PRICKLE3: variants seen among roughly 807,000 people sequenced by gnomAD.
The protein encoded by PRICKLE3 is prickle planar cell polarity protein 3.
In PRICKLE3, 17 loss-of-function variants were observed where a neutral mutation model predicts 33.8. The observed-to-expected ratio is 0.50, with a 90% CI of 0.34 to 0.75. The LOEUF is 0.75. PRICKLE3 is among the 30% of genes least tolerant of loss of function. The probability of loss-of-function intolerance (pLI) is 0.01; values close to 1 mark genes in which losing one functional copy is unlikely to be tolerated. For missense variants in PRICKLE3, 573 were observed against 576.7 expected, an observed-to-expected ratio of 0.99 and a Z score of 0.07; for synonymous variants, 211 against 219.6, an observed-to-expected ratio of 0.96 and a Z score of 0.34.
rs782708765 is a variant in PRICKLE3 at position 49,175,878 on chromosome X, G to A, written c.1643C>T (p.Ser548Leu). The A allele has an allele frequency of 1.7e-6, 2 of 1,210,335 alleles. No individual in the cohort carries two copies. Among genetic ancestry groups the A allele is most frequent in the African/African-American group, 1.7e-5 (1 of 57,327 alleles). ...TGATTCGGAACTGGAACTGGAGGGC[G>A]AGCTGGAGCAAGATTCCGAGTCTGA... ...SGSDSESCSSSPSSSSSESSE... is the reference protein window; with the variant it reads ...SGSDSESCSSLPSSSSSESSE... The change falls in exon 9 of 9, where the codon TCG (serine) becomes TTG (leucine). Residue 548 changes from serine (S) to leucine (L), a missense_variant. Transcript: ENST00000599218.
Position 49,177,067 on chromosome X carries a change from C to T in PRICKLE3, c.1091G>A (p.Arg364Gln), listed in dbSNP as rs376934420. ...GGGCTCGGACCCAAGGCTGCAGGCT[C>T]GAGAGCAGAAGATTAGGCCTCGGCG... ...LPRRGLIFCSRACSLGSEPTA... is the reference protein window; with the variant it reads ...LPRRGLIFCSQACSLGSEPTA... Residue 364 changes from arginine to glutamine, a missense_variant, in exon 8 of 9, where the codon CGA becomes CAA. By Grantham distance (43) the Arg-to-Gln change is conservative. Transcript: ENST00000599218. 30 of 1,205,289 alleles carry T rather than the reference C, an allele frequency of 2.5e-5. No homozygotes were observed. In the African/African-American group the frequency reaches 5.2e-4, roughly 21 times the overall value.
At chrX:49,177,954 C>G in intron 7 of PRICKLE3, 39 bp downstream of exon 7, 1 of 1,127,194 alleles carries the variant, frequency 8.9e-7, no homozygotes, top group Non-Finnish European at 1.2e-6. Context: ...GCCCAGCTGT[C>G]CATCCATCCC....
At chrX:49,178,499 T>C in intron 5 of PRICKLE3, 24 bp from the exon 6 acceptor site, 1 of 1,188,973 alleles carries the variant, frequency 8.4e-7, no homozygotes, top group Non-Finnish European at 1.1e-6. Flanking sequence ...AGCACCAAGA[T>C]GGTTACCATC....
intron 8 of PRICKLE3, 113 bp from the exon 9 acceptor site, chrX:49,176,378 G>T: frequency 1.8e-6 from 1 of 560,681 alleles, no homozygotes; most frequent in Non-Finnish European, 2.7e-6. Flanking sequence ...GAAAGTGGGG[G>T]CAGGGGTCGG....
chrX:49,186,303 G>A lies in PRICKLE3; in HGVS notation c.-6C>T, dbSNP rs1227410876. The A allele has an allele frequency of 7.9e-6, 9 of 1,143,581 alleles. No homozygotes were observed. The South Asian group carries it at 1.4e-4, about 17-fold the overall frequency. 94.2% of individuals were successfully genotyped at this position (1,143,581 alleles called of 1,213,427 possible). On this transcript the variant is annotated 5_prime_UTR_variant, in exon 1 of 9. Coordinates refer to ENST00000599218, the MANE Select transcript of PRICKLE3 (RefSeq NM_006150.5). ...CGGGACCCACGCGCGAACATGGCGCGCCCGGGCAGGGTCAAGCCGGGCCGG... is the reference window on the plus strand; with the variant it reads ...CGGGACCCACGCGCGAACATGGCGCACCCGGGCAGGGTCAAGCCGGGCCGG...
rs1557100495 is a variant in PRICKLE3 at position 49,178,352 on chromosome X, A to G, written c.688T>C (p.Tyr230His). The change falls in exon 6 of 9, where the codon TAC becomes CAC. Residue 230 changes from tyrosine (Y) to histidine (H), a missense_variant. By Grantham distance (83) the Tyr-to-His change is moderately conservative. Coordinates refer to ENST00000599218, the MANE Select transcript of PRICKLE3 (RefSeq NM_006150.5). Reference sequence around the variant, plus strand: ...TAGACCTTGCCAACATGGTAGAAGTAGATGAGGTCAACCAGCAGTTCCTGG... The same window carrying G: ...TAGACCTTGCCAACATGGTAGAAGTGGATGAGGTCAACCAGCAGTTCCTGG... ...TCQELLVDLI[Y>H]FYHVGKVYCG... 1 of 1,209,619 alleles carries G rather than the reference A, an allele frequency of 8.3e-7. No homozygotes were observed.
chrX:49,180,539 T>G (rs1439772557), intron 3 of PRICKLE3, among the ~76,000 whole-genome samples: 1 of 111,236 alleles, frequency 9.0e-6, no homozygotes, highest in Admixed American at 9.6e-5. Context: ...TCATCAGACT[T>G]GATGATGGTA....
intron 3 of PRICKLE3, among the ~76,000 whole-genome samples, chrX:49,181,378 A>G (rs1557100953): frequency 9.0e-5 from 8 of 88,700 alleles, no homozygotes; most frequent in Admixed American, 5.2e-4. Context: ...ATATATATAT[A>G]TGTGTGTGTG....
At position 49,176,064 on chromosome X, in the gene PRICKLE3, G is replaced by A. The variant is rs1557099921; in HGVS notation, c.1457C>T (p.Pro486Leu). ...FRDPLVSEGG[P>L]RRTLSAPPAQ... ...CGGGGGTGCACTCAGGGTCCGGCGC[G>A]GGCCTCCTTCAGACACCAGAGGGTC... The change falls in exon 9 of 9, where the codon CCG becomes CTG. Residue 486 changes from proline to leucine, a missense_variant. Physicochemically the swap from Pro to Leu is moderately conservative, Grantham distance 98. Transcript: ENST00000599218. 3 of 1,207,302 alleles carry A rather than the reference G, an allele frequency of 2.5e-6. No homozygotes were observed. Among genetic ancestry groups the A allele is most frequent in the Non-Finnish European group, 2.2e-6 (2 of 893,658 alleles).
intron 3 of PRICKLE3, among the ~76,000 whole-genome samples, chrX:49,180,258 C>T (rs978609766): frequency 9.1e-5 from 10 of 110,020 alleles, no homozygotes; most frequent in Non-Finnish European, 1.5e-4. Flanking sequence ...TCTCGAACTC[C>T]TGACCTCAAG....
At chrX:49,184,776 C>T (rs782512304) in intron 1 of PRICKLE3, 66 bp from the exon 2 acceptor site, 1 of 1,161,797 alleles carries the variant, frequency 8.6e-7, no homozygotes. Flanking sequence ...GAAGTCAACG[C>T]CCGCCCCTCC....
chrX:49,183,113 C>T (rs1379298641), intron 3 of PRICKLE3, among the ~76,000 whole-genome samples: 1 of 112,241 alleles, frequency 8.9e-6, no homozygotes, highest in Non-Finnish European at 1.9e-5. Context: ...CGTGAGCCAC[C>T]GTGCCCGTGG....
chrX:49,180,421 C>T lies in PRICKLE3; in HGVS notation c.313-615G>A, dbSNP rs189708569. 1.5e-3 allele frequency among the ~76,000 whole-genome samples: 166 copies of T among 111,374 alleles called. 1 individual carries two copies. Among genetic ancestry groups the T allele is most frequent in the African/African-American group, 5.2e-3 (159 of 30,613 alleles). On this transcript the variant is annotated intron_variant, in intron 3 of 8. Coordinates refer to ENST00000599218, the MANE Select transcript of PRICKLE3 (RefSeq NM_006150.5). Reference sequence around the variant, plus strand: ...TCACTCCACTTCCTGTCCTTCCAATCTCTCTTGAGCCTACTTGAGGCAGGC... The same window carrying T: ...TCACTCCACTTCCTGTCCTTCCAATTTCTCTTGAGCCTACTTGAGGCAGGC...
At chrX:49,176,722 G>A (rs938259217) in intron 8 of PRICKLE3, among the ~76,000 whole-genome samples, 181 bp downstream of exon 8, 1 of 109,107 alleles carries the variant, frequency 9.2e-6, no homozygotes. Flanking sequence ...GTGTAGTTTG[G>A]GATGGAAACC....
In PRICKLE3 at chrX:49,175,821, C is replaced by T. The variant is rs782653464; in HGVS notation, c.1700G>A (p.Arg567His). The T allele has an allele frequency of 4.1e-6, 5 of 1,212,056 alleles. No individual in the cohort carries two copies. The highest frequency in any genetic ancestry group is 2.3e-4 in the Middle Eastern group (1 of 4,353). The change falls in exon 9 of 9, where the codon CGC (arginine) becomes CAC (histidine). Residue 567 changes from arginine (R) to histidine (H), a missense_variant. Physicochemically the swap from Arg to His is conservative, Grantham distance 29. Coordinates refer to ENST00000599218, the MANE Select transcript of PRICKLE3 (RefSeq NM_006150.5). Reference sequence around the variant, plus strand: ...GCACAAATGCGGGGGCAGAGGGATGCGCTCTCCTAGGAAGAAGCCATCATC... The same window carrying T: ...GCACAAATGCGGGGGCAGAGGGATGTGCTCTCCTAGGAAGAAGCCATCATC... ...SEDDGFFLGERIPLPPHLCRP... is the reference protein window; with the variant it reads ...SEDDGFFLGEHIPLPPHLCRP...
At chrX:49,184,575 C>T (rs1472427495) in intron 2 of PRICKLE3, 50 bp downstream of exon 2, 27 of 1,042,303 alleles carry the variant, frequency 2.6e-5, no homozygotes, top group Non-Finnish European at 3.4e-5. Context: ...GGATTTCCCC[C>T]CGAAGGCGGA....
rs782256820 is a variant in PRICKLE3 at position 49,178,026 on chromosome X, C to A, written c.922G>T (p.Ala308Ser). Residue 308 changes from alanine (A) to serine (S), a missense_variant, in exon 7 of 9, where the codon GCG (alanine) becomes TCG (serine). Physicochemically the swap from Ala to Ser is moderately conservative, Grantham distance 99. Coordinates refer to ENST00000599218, the MANE Select transcript of PRICKLE3 (RefSeq NM_006150.5). The stretch of plus-strand genomic sequence containing the variant: ...TCCCCACAGCCATCACAGTACTCCG[C>A]GTGGCGGGCCTCGTAGCAGGCGCAG... ...HCCACYEARH[A>S]EYCDGCGEHI... 2.6e-6 allele frequency: 3 copies of A among 1,154,449 alleles called. No homozygotes were observed. In the African/African-American group the frequency reaches 5.4e-5, roughly 21 times the overall value.
chrX:49,183,147 G>T (rs1256960746), intron 3 of PRICKLE3, among the ~76,000 whole-genome samples: 2 of 112,163 alleles, frequency 1.8e-5, no homozygotes. Context: ...TTTGTGTTTT[G>T]CTCATTGCTG....
At position 49,178,256 on chromosome X, in the gene PRICKLE3, G is replaced by T; in HGVS notation, c.768+16C>A. On this transcript the variant is annotated intron_variant, in intron 6 of 8. Coordinates refer to ENST00000599218, the MANE Select transcript of PRICKLE3 (RefSeq NM_006150.5). ...GCCCACCCTCAACTCCCACCCCTGG[G>T]CAGGGAGGCCCAAACCTCGTCACAG... 4.2e-6 allele frequency: 5 copies of T among 1,200,438 alleles called. No individual in the cohort carries two copies. The highest frequency in any genetic ancestry group is 5.6e-6 in the Non-Finnish European group (5 of 889,344).
Sources: gnomAD v4.1 joint callset for allele counts (sites outside exome capture counted in the v4.1 genomes callset) on GRCh38, gnomAD v4.1.1 for gene constraint, MANE v1.5 for transcripts, NCBI Gene and HGNC (gene_info 2026-07-23, HGNC 2026-07-21) for gene names.